Variants in ADNP observed in about 807,000 individuals in gnomAD.
The protein encoded by ADNP is activity dependent neuroprotector homeobox.
ADNP carries 4 observed loss-of-function variants against 84.9 expected under a neutral mutation model. The ratio of observed to expected loss-of-function variants is 0.05; its 90% CI spans 0.02 to 0.11. The LOEUF is 0.11. ADNP is among the 10% of genes least tolerant of loss of function. The probability of loss-of-function intolerance (pLI) is 1.00; values close to 1 mark genes in which losing one functional copy is unlikely to be tolerated. For missense variants in ADNP, 1,132 were observed against 1,326.0 expected, an observed-to-expected ratio of 0.85 and a Z score of 2.27; for synonymous variants, 554 against 468.1, an observed-to-expected ratio of 1.18 and a Z score of -2.37.
intron 2 of ADNP, chr20:50,913,882 C>A: frequency 1.6e-6 from 1 of 610,516 alleles, no homozygotes; most frequent in Non-Finnish European, 3.1e-6. Context: ...GCCATACATA[C>A]ATAAATTATT....
intron 5 of ADNP, among the ~76,000 whole-genome samples, chr20:50,900,655 GA>G (rs1446865846): frequency 6.6e-6 from 1 of 152,214 alleles, no homozygotes; most frequent in Admixed American, 6.5e-5. Flanking sequence ...TGTGGTGAAT[GA>G]CTGCGGTAAA....
rs142004151 is a variant in ADNP at position 50,908,503 on chromosome 20, G to C, written c.-89-3654C>G. 1.4e-4 allele frequency among the ~76,000 whole-genome samples: 21 copies of C among 152,274 alleles called. No individual in the cohort carries two copies. In the East Asian group the frequency reaches 3.9e-3, roughly 28 times the overall value. On this transcript the variant is annotated intron_variant, in intron 2 of 5. Coordinates refer to ENST00000621696, the MANE Select transcript of ADNP (RefSeq NM_001282531.3). Reference sequence around the variant, plus strand: ...CATTAATGTTATCTAGGCTGGGCGCGGTGGCTCATGCCTGTAATCCCAGCA... The same window carrying C: ...CATTAATGTTATCTAGGCTGGGCGCCGTGGCTCATGCCTGTAATCCCAGCA...
chr20:50,921,494 G>A (rs535004024), intron 2 of ADNP, among the ~76,000 whole-genome samples: 1 of 152,346 alleles, frequency 6.6e-6, no homozygotes, highest in African/African-American at 2.4e-5. Flanking sequence ...TAAAAAATAT[G>A]TGGAGTCACT....
Position 50,906,973 on chromosome 20 carries a change from T to G in ADNP, c.-89-2124A>C, listed in dbSNP as rs957702318. Among the ~76,000 whole-genome samples, 19 of 96,090 alleles carry G rather than the reference T, an allele frequency of 2.0e-4. No individual in the cohort carries two copies. In the South Asian group the frequency reaches 2.0e-3, roughly 10 times the overall value. 63.0% of individuals were successfully genotyped at this position (96,090 alleles called of 152,430 possible). A position where few individuals can be genotyped will look rare whatever the true frequency, so the allele number is the denominator to read the frequency against. On this transcript the variant is annotated intron_variant, in intron 2 of 5. Coordinates refer to ENST00000621696, the MANE Select transcript of ADNP (RefSeq NM_001282531.3). ...TGAGACAGGGTTCCAGTTTTTTTTT[T>G]TTGTTTTTTTTTTTGAGACAGTCTC...
At chr20:50,929,850 C>A (rs73909840) in intron 1 of ADNP, among the ~76,000 whole-genome samples, 2 of 152,142 alleles carry the variant, frequency 1.3e-5, no homozygotes, top group African/African-American at 4.8e-5. Flanking sequence ...CCCTCCTAAG[C>A]CTTTGTCTGT....
chr20:50,931,362 C>T lies in ADNP; in HGVS notation c.-801G>A, dbSNP rs2123043069. 6.5e-6 allele frequency: 1 copy of T among 152,690 alleles called. No homozygotes were observed. The highest frequency in any genetic ancestry group is 6.6e-5 in the Admixed American group (1 of 15,254). 9.5% of individuals were successfully genotyped at this position (152,690 alleles called of 1,614,324 possible). On this transcript the variant is annotated 5_prime_UTR_variant, in exon 1 of 6. Coordinates refer to ENST00000621696, the MANE Select transcript of ADNP (RefSeq NM_001282531.3). ...GCGGGGGAGGGGGCTGATCCCGCGT[C>T]TCCCCTCAGCAGACAATACAAGCGC...
In ADNP at chr20:50,891,943, T is replaced by C; in HGVS notation, c.2771A>G (p.Glu924Gly). Residue 924 changes from glutamate to glycine, a missense_variant, in exon 6 of 6, where the codon GAG becomes GGG. Glu to Gly is a moderately conservative substitution (Grantham distance 98, BLOSUM62 -2). Coordinates refer to ENST00000621696, the MANE Select transcript of ADNP (RefSeq NM_001282531.3). Reference protein sequence around the residue: ...KVIPEDASESEEKLDQKEDGS... With the variant: ...KVIPEDASESGEKLDQKEDGS... Reference sequence around the variant, plus strand: ...ATCCTCTTTTTGGTCTAGCTTCTCCTCAGATTCTGAAGCATCCTCAGGAAT... The same window carrying C: ...ATCCTCTTTTTGGTCTAGCTTCTCCCCAGATTCTGAAGCATCCTCAGGAAT... The C allele has an allele frequency of 6.2e-7, 1 of 1,614,220 alleles. No individual in the cohort carries two copies. Among genetic ancestry groups the C allele is most frequent in the Non-Finnish European group, 8.5e-7 (1 of 1,180,044 alleles).
intron 2 of ADNP, among the ~76,000 whole-genome samples, chr20:50,926,987 G>GT (rs1476113322): frequency 6.6e-6 from 1 of 152,094 alleles, no homozygotes; most frequent in African/African-American, 2.4e-5. Flanking sequence ...TTCAAAACGT[G>GT]TAAGTAGTTA....
chr20:50,899,398 A>AG (rs1981734126), intron 5 of ADNP, among the ~76,000 whole-genome samples: 1 of 152,128 alleles, frequency 6.6e-6, no homozygotes, highest in African/African-American at 2.4e-5. Flanking sequence ...TTTAGTAGAG[A>AG]GGGGGTTTCA....
At chr20:50,894,881 G>C (rs1000612318) in intron 5 of ADNP, among the ~76,000 whole-genome samples, 2 of 152,074 alleles carry the variant, frequency 1.3e-5, no homozygotes, top group Non-Finnish European at 2.9e-5. Context: ...TGGGCGACAA[G>C]AGCGAAACTG....
intron 2 of ADNP, among the ~76,000 whole-genome samples, chr20:50,922,705 G>A (rs1318166621): frequency 6.6e-6 from 1 of 151,224 alleles, no homozygotes; most frequent in East Asian, 1.9e-4. Context: ...TCAGCCTCCT[G>A]AGTAGCTGGG....
At chr20:50,910,061 T>C (rs1188911209) in intron 2 of ADNP, among the ~76,000 whole-genome samples, 1 of 152,128 alleles carries the variant, frequency 6.6e-6, no homozygotes, top group Admixed American at 6.6e-5. Context: ...ACAGACCCAC[T>C]GGGCAGGCGG....
At position 50,889,140 on chromosome 20, in the gene ADNP, C is replaced by A. The variant is rs557243724; in HGVS notation, c.*2265G>T. ...ATTTCCAACTCTTAGGGTGGCTAAA[C>A]CCTTTTCTGAATGCCAAAAGGCACA... On this transcript the variant is annotated 3_prime_UTR_variant, in exon 6 of 6. Coordinates refer to ENST00000621696, the MANE Select transcript of ADNP (RefSeq NM_001282531.3). 1 of 152,142 alleles carries A rather than the reference C, an allele frequency of 6.6e-6. No individual in the cohort carries two copies. The highest frequency in any genetic ancestry group is 2.4e-5 in the African/African-American group (1 of 41,438). The allele number at this position is 152,142 out of a possible 1,614,324, so 9.4% of individuals were successfully genotyped here.
chr20:50,891,619 G>A lies in ADNP; in HGVS notation c.3095C>T (p.Ser1032Phe). ...DREQLKWKNSSYGKVEGFWSK... is the reference protein window; with the variant it reads ...DREQLKWKNSFYGKVEGFWSK... ...CCAAAACCCTTCAACTTTTCCATAG[G>A]AACTATTCTTCCATTTCAACTGCTC... The change falls in exon 6 of 6, where the codon TCC becomes TTC. Residue 1032 changes from serine to phenylalanine, a missense_variant. By Grantham distance (155) the Ser-to-Phe change is radical. This residue lies in a region of ADNP where 381 missense variants were observed against 319.9 expected (regional missense o/e 1.19). Transcript: ENST00000621696. 1 of 1,613,962 alleles carries A rather than the reference G, an allele frequency of 6.2e-7. No homozygotes were observed. The highest frequency in any genetic ancestry group is 2.2e-5 in the East Asian group (1 of 44,878).
chr20:50,926,254 G>A (rs1388048421), intron 2 of ADNP, among the ~76,000 whole-genome samples: 1 of 152,218 alleles, frequency 6.6e-6, no homozygotes, highest in Non-Finnish European at 1.5e-5. Context: ...TCTCAGTCAA[G>A]AGAATGAAGG....
Position 50,892,894 on chromosome 20 carries a change from C to G in ADNP, c.1820G>C (p.Ser607Thr). The G allele has an allele frequency of 3.7e-6, 6 of 1,614,192 alleles. No homozygotes were observed. The highest frequency in any genetic ancestry group is 5.1e-6 in the Non-Finnish European group (6 of 1,180,040). The change falls in exon 6 of 6, where the codon AGT becomes ACT. Residue 607 changes from serine (S) to threonine (T), a missense_variant. Transcript: ENST00000621696. ...ATAGGGCACTGCAGCTTGAGGTGAA[C>G]TTTTTACAGGGATATCTGCCTTTTC... ...VQEKADIPVK[S>T]SPQAAVPYKK...
intron 2 of ADNP, among the ~76,000 whole-genome samples, chr20:50,918,805 T>C (rs1226449814): frequency 6.6e-6 from 1 of 152,222 alleles, no homozygotes; most frequent in African/African-American, 2.4e-5. Flanking sequence ...AATGGAAAGC[T>C]TTTGAAAGGT....
At chr20:50,910,835 T>A (rs1385894090) in intron 2 of ADNP, among the ~76,000 whole-genome samples, 1 of 151,924 alleles carries the variant, frequency 6.6e-6, no homozygotes, top group African/African-American at 2.4e-5. Flanking sequence ...TTTAAAAAAA[T>A]TTAATAGGGG....
chr20:50,891,003 G>C lies in ADNP; in HGVS notation c.*402C>G, dbSNP rs752182111. On this transcript the variant is annotated 3_prime_UTR_variant, in exon 6 of 6. Coordinates refer to ENST00000621696, the MANE Select transcript of ADNP (RefSeq NM_001282531.3). ...ATGAAAAAAAATCGCTTTTCCCAAAGTCTACTATACACATTAGACTGGTAG... is the reference window on the plus strand; with the variant it reads ...ATGAAAAAAAATCGCTTTTCCCAAACTCTACTATACACATTAGACTGGTAG... 7 of 1,001,898 alleles carry C rather than the reference G, an allele frequency of 7.0e-6. No homozygotes were observed. The highest frequency in any genetic ancestry group is 8.3e-6 in the Non-Finnish European group (7 of 841,542). The allele number at this position is 1,001,898 out of a possible 1,614,324, so 62.1% of individuals were successfully genotyped here.
Sources: allele counts gnomAD v4.1 joint callset (sites outside exome capture counted in the v4.1 genomes callset), GRCh38; gene constraint gnomAD v4.1.1; regional missense constraint gnomAD v4.1.1; transcripts MANE v1.5; gene names NCBI Gene and HGNC (gene_info 2026-07-23, HGNC 2026-07-21).